The following ITPR1 variants were observed in gnomAD, a reference collection of about 807,000 sequenced individuals.
ITPR1 encodes the protein inositol 1,4,5-trisphosphate-gated calcium channel ITPR1.
ITPR1 carries 96 observed loss-of-function variants against 318.4 expected under a neutral mutation model. The observed-to-expected ratio is 0.30, with a 90% CI of 0.26 to 0.36. The LOEUF (loss-of-function observed/expected upper bound fraction) is 0.36, where lower values mean the gene tolerates loss of function less well. Among genes scored for constraint, ITPR1 ranks in the 10% least tolerant of loss-of-function variants. The pLI, the probability that ITPR1 is intolerant of heterozygous loss-of-function variation, is 1.00. For synonymous variants in ITPR1, 1,312 were observed against 1,289.9 expected (o/e 1.02, Z -0.37); for missense variants, 2,440 against 3,460.2 (o/e 0.71, Z 7.40).
At chr3:4,519,121 T>C (rs1470375996) in intron 3 of ITPR1, among the ~76,000 whole-genome samples, 1 of 152,230 alleles carries the variant, frequency 6.6e-6, no homozygotes, top group East Asian at 1.9e-4. Flanking sequence ...ACAGTCATGA[T>C]CATGCCGCTA....
At chr3:4,730,275 TTG>T (rs10618439) in intron 42 of ITPR1, among the ~76,000 whole-genome samples, 11 of 143,918 alleles carry the variant, frequency 7.6e-5, no homozygotes, top group Admixed American at 1.4e-4. Context: ...TGCAGTTTAA[TTG>T]TGTGTGTGTG....
chr3:4,823,588 T>G (rs930115150), intron 60 of ITPR1, among the ~76,000 whole-genome samples: 4 of 152,046 alleles, frequency 2.6e-5, no homozygotes, highest in African/African-American at 9.7e-5. Context: ...CTCATTTATA[T>G]GTGGGGGCTA....
At chr3:4,529,128 T>A (rs1281534418) in intron 4 of ITPR1, among the ~76,000 whole-genome samples, 2 of 152,166 alleles carry the variant, frequency 1.3e-5, no homozygotes, top group Admixed American at 6.5e-5. Flanking sequence ...CATAAGGGAA[T>A]TTGTGTTTAC....
chr3:4,700,701 T>C (rs1174314973), intron 35 of ITPR1, among the ~76,000 whole-genome samples: 1 of 152,150 alleles, frequency 6.6e-6, no homozygotes, highest in East Asian at 1.9e-4. Context: ...TTGAGTGAGC[T>C]GATGTCACCT....
chr3:4,697,315 GGTGT>G lies in ITPR1; in HGVS notation c.4407+78_4407+81del, dbSNP rs35795762. 15,404 of 862,440 alleles carry G rather than the reference GGTGT, an allele frequency of 0.018. 159 individuals are homozygous for G. Among genetic ancestry groups the G allele is most frequent in the African/African-American group, 0.08 (4,849 of 60,340 alleles). 53.4% of individuals were successfully genotyped at this position (862,440 alleles called of 1,614,324 possible). A position where few individuals can be genotyped will look rare whatever the true frequency, so the allele number is the denominator to read the frequency against. ...GAGGAGGCAGAGTTGGAGAGTGAGA[GGTGT>G]GTGTGTGTGTGTGTGTGTGTGTGTG... On this transcript the variant is annotated intron_variant, in intron 34 of 61. Coordinates refer to ENST00000649015, the MANE Select transcript of ITPR1 (RefSeq NM_001378452.1).
chr3:4,728,759 C>T (rs1280797786), intron 42 of ITPR1, among the ~76,000 whole-genome samples: 4 of 152,146 alleles, frequency 2.6e-5, no homozygotes, highest in Non-Finnish European at 5.9e-5. Flanking sequence ...GAATTGATGC[C>T]TGAGATAAAT....
In ITPR1 at chr3:4,571,471, T is replaced by A. The variant is rs144893949; in HGVS notation, c.163+50377T>A. On this transcript the variant is annotated intron_variant, in intron 4 of 61. Coordinates refer to ENST00000649015, the MANE Select transcript of ITPR1 (RefSeq NM_001378452.1). Reference sequence around the variant, plus strand: ...TCCTCCCGTCAGTCTCCCGAGTAGCTGGGACTACAGGCACATGTTACCACG... The same window carrying A: ...TCCTCCCGTCAGTCTCCCGAGTAGCAGGGACTACAGGCACATGTTACCACG... 7.8e-4 allele frequency among the ~76,000 whole-genome samples: 118 copies of A among 152,106 alleles called. No individual in the cohort carries two copies. In the East Asian group the frequency reaches 0.02, roughly 26 times the overall value.
rs1176993659 is a variant in ITPR1, at chr3:4,708,134, A to G, written c.4842+1783A>G. On this transcript the variant is annotated intron_variant, in intron 37 of 61. Coordinates refer to ENST00000649015, the MANE Select transcript of ITPR1 (RefSeq NM_001378452.1). ...AAGTAACATTTTGAACCAAGATGAG[A>G]AGGAACAGCAGGACTTAAAGAATAA... 2.0e-4 allele frequency among the ~76,000 whole-genome samples: 31 copies of G among 152,206 alleles called. 1 individual carries two copies. Among genetic ancestry groups the G allele is most frequent in the Admixed American group, 2.0e-3 (31 of 15,280 alleles).
intron 47 of ITPR1, among the ~76,000 whole-genome samples, chr3:4,775,769 G>A (rs2046446314): frequency 6.6e-6 from 1 of 152,216 alleles, no homozygotes; most frequent in African/African-American, 2.4e-5. Context: ...AAAAGACAGT[G>A]ACCTATTTTA....
At chr3:4,559,471 T>A (rs1226291246) in intron 4 of ITPR1, among the ~76,000 whole-genome samples, 1 of 152,224 alleles carries the variant, frequency 6.6e-6, no homozygotes, top group African/African-American at 2.4e-5. Flanking sequence ...TATAAAAACT[T>A]GTTTTTAATG....
At chr3:4,671,011 C>T (rs1055477204) in intron 20 of ITPR1, 85 bp downstream of exon 20, 3 of 924,324 alleles carry the variant, frequency 3.2e-6, no homozygotes, top group East Asian at 2.7e-5. Flanking sequence ...TTGATTACTT[C>T]AAGGAATCAC....
intron 4 of ITPR1, among the ~76,000 whole-genome samples, chr3:4,575,416 T>A (rs1234259414): frequency 1.3e-5 from 2 of 152,224 alleles, no homozygotes; most frequent in African/African-American, 4.8e-5. Flanking sequence ...AGTTAAAATA[T>A]GCTTGGAAGA....
rs536407470 is a variant in ITPR1, at chr3:4,582,283, A to G, written c.164-45480A>G. On this transcript the variant is annotated intron_variant, in intron 4 of 61. Transcript: ENST00000649015. ...CTAGACTTGTTCGAACATGCCAAAG[A>G]AACCGCTGGTTAATTTAATGCCTAG... is the stretch of plus-strand genomic sequence containing the variant. Among the ~76,000 whole-genome samples the G allele has an allele frequency of 3.9e-4, 59 of 152,296 alleles. 1 individual carries two copies. In the South Asian group the frequency reaches 4.4e-3, roughly 11 times the overall value.
chr3:4,689,594 G>A, intron 31 of ITPR1, among the ~76,000 whole-genome samples: 1 of 152,104 alleles, frequency 6.6e-6, no homozygotes, highest in Non-Finnish European at 1.5e-5. Context: ...TTTGGATGAG[G>A]GATACTCAAC....
chr3:4,594,519 C>T (rs1218751351), intron 4 of ITPR1, among the ~76,000 whole-genome samples: 1 of 152,108 alleles, frequency 6.6e-6, no homozygotes, highest in African/African-American at 2.4e-5. Context: ...GAGCCAAATC[C>T]CTTGTCTCTA....
chr3:4,699,122 G>T (rs747257421), intron 34 of ITPR1, among the ~76,000 whole-genome samples: 2 of 152,004 alleles, frequency 1.3e-5, no homozygotes, highest in Non-Finnish European at 2.9e-5. Flanking sequence ...GCCTAGGTGG[G>T]CAGATCCATT....
At position 4,830,785 on chromosome 3, in the gene ITPR1, A is replaced by G. The variant is rs376567551; in HGVS notation, c.8029-5989A>G. Among the ~76,000 whole-genome samples, 66 of 152,316 alleles carry G rather than the reference A, an allele frequency of 4.3e-4. No homozygotes were observed. In the East Asian group the frequency reaches 7.3e-3, roughly 17 times the overall value. On this transcript the variant is annotated intron_variant, in intron 60 of 61. Coordinates refer to ENST00000649015, the MANE Select transcript of ITPR1 (RefSeq NM_001378452.1). ...CTTCCCAGAGGGGATTCTCAAGGGC[A>G]GAGAAAGCAACAAGACCATTTTTCT...
At chr3:4,519,773 CTT>C (rs2082423178) in intron 3 of ITPR1, among the ~76,000 whole-genome samples, 1 of 130,544 alleles carries the variant, frequency 7.7e-6, no homozygotes, top group Admixed American at 8.1e-5. Flanking sequence ...ACCATGGACA[CTT>C]TGATTTACCC....
At chr3:4,782,876 C>CATG in intron 50 of ITPR1, 135 bp downstream of exon 50, 4 of 801,312 alleles carry the variant, frequency 5.0e-6, no homozygotes, top group Non-Finnish European at 7.0e-6. Context: ...GCCTGCGGCT[C>CATG]ACAGGTGCTC....
Sources: gnomAD v4.1 joint callset for allele counts (sites outside exome capture counted in the v4.1 genomes callset) on GRCh38, gnomAD v4.1.1 for gene constraint, MANE v1.5 for transcripts, NCBI Gene and HGNC (gene_info 2026-07-23, HGNC 2026-07-21) for gene names.